The following CNTN5 variants were observed in gnomAD, a reference collection of about 807,000 sequenced individuals.
CNTN5 encodes contactin 5.
Under a neutral mutation model 129.1 loss-of-function variants are expected in CNTN5, and 77 were observed. The observed-to-expected ratio is 0.60, with a 90% CI of 0.50 to 0.72. The LOEUF is 0.72. CNTN5 is among the 30% of genes least tolerant of loss of function. The pLI is 0.00. For missense variants in CNTN5, 1,478 were observed against 1,328.8 expected (o/e 1.11, Z -1.75); for synonymous variants, 509 against 465.6 (o/e 1.09, Z -1.20).
chr11:99,826,760 T>G (rs867691268), intron 4 of CNTN5, among the ~76,000 whole-genome samples: 4 of 151,974 alleles, frequency 2.6e-5, no homozygotes, highest in Non-Finnish European at 4.4e-5. Context: ...TATTAAGGAG[T>G]CTAAAAATTT....
intron 18 of CNTN5, among the ~76,000 whole-genome samples, chr11:100,280,367 G>A (rs1950609681): frequency 6.6e-6 from 1 of 151,732 alleles, no homozygotes; most frequent in African/African-American, 2.4e-5. Context: ...CTCAAGCATT[G>A]AGTGCACATG....
chr11:99,424,804 C>A (rs1726648227), intron 2 of CNTN5, among the ~76,000 whole-genome samples: 1 of 152,236 alleles, frequency 6.6e-6, no homozygotes, highest in African/African-American at 2.4e-5. Context: ...TGTTACAGCT[C>A]TTTCAGTCGG....
intron 3 of CNTN5, among the ~76,000 whole-genome samples, chr11:99,773,392 G>T (rs114842665): frequency 1.3e-5 from 2 of 152,024 alleles, no homozygotes; most frequent in Non-Finnish European, 2.9e-5. Flanking sequence ...TAAAGATCTT[G>T]TTCATATTTT....
chr11:99,776,795 A>G (rs1310575699), intron 3 of CNTN5, among the ~76,000 whole-genome samples: 5 of 151,854 alleles, frequency 3.3e-5, no homozygotes, highest in African/African-American at 1.2e-4. Flanking sequence ...ACAATTAAAA[A>G]AAAAACTATT....
chr11:100,093,240 G>T (rs1944865506), intron 13 of CNTN5, among the ~76,000 whole-genome samples: 1 of 152,014 alleles, frequency 6.6e-6, no homozygotes, highest in Non-Finnish European at 1.5e-5. Context: ...CTATACCACA[G>T]CTAGTGTTTG....
intron 8 of CNTN5, among the ~76,000 whole-genome samples, chr11:99,971,808 A>C (rs1951264073): frequency 6.6e-6 from 1 of 151,736 alleles, no homozygotes; most frequent in Non-Finnish European, 1.5e-5. Flanking sequence ...ATTTAGCAAT[A>C]AACATTTTTA....
intron 3 of CNTN5, among the ~76,000 whole-genome samples, chr11:99,594,922 G>A (rs1950081230): frequency 6.6e-6 from 1 of 152,158 alleles, no homozygotes; most frequent in South Asian, 2.1e-4. Context: ...TCAAGTCACA[G>A]ATCATTAAAG....
chr11:99,970,290 A>T (rs1328889134), intron 8 of CNTN5, among the ~76,000 whole-genome samples: 1 of 152,208 alleles, frequency 6.6e-6, no homozygotes. Flanking sequence ...GATTGTAGCA[A>T]AGAAGTGAGG....
Position 99,194,092 on chromosome 11 carries a change from G to A in CNTN5, c.-209-131254G>A, listed in dbSNP as rs976131062. Among the ~76,000 whole-genome samples the A allele has an allele frequency of 1.3e-5, 2 of 152,264 alleles. 1 individual carries two copies. The highest frequency in any genetic ancestry group is 3.9e-4 in the East Asian group (2 of 5,178). On this transcript the variant is annotated intron_variant, in intron 1 of 24. Transcript: ENST00000524871. ...TAAGATACTTCTTTAGCATTGGATA[G>A]AAATGCTGAATACTAGTCTATTTAG...
At chr11:99,870,082 A>T (rs540417904) in intron 6 of CNTN5, among the ~76,000 whole-genome samples, 1 of 152,308 alleles carries the variant, frequency 6.6e-6, no homozygotes, top group South Asian at 2.1e-4. Context: ...TGGGAATAGC[A>T]TAATAAATGT....
chr11:99,198,780 TTTTG>T (rs964212845), intron 1 of CNTN5, among the ~76,000 whole-genome samples: 3 of 152,076 alleles, frequency 2.0e-5, no homozygotes, highest in Non-Finnish European at 4.4e-5. Flanking sequence ...AGACTTTTTG[TTTTG>T]TTTGTTTGTT....
At chr11:99,699,603 C>T (rs773198414) in intron 3 of CNTN5, among the ~76,000 whole-genome samples, 11 of 151,476 alleles carry the variant, frequency 7.3e-5, no homozygotes, top group East Asian at 3.9e-4. Flanking sequence ...ATGTGCCTAG[C>T]GAAGTATTAA....
At chr11:99,866,512 T>C (rs1400190573) in intron 6 of CNTN5, among the ~76,000 whole-genome samples, 3 of 152,182 alleles carry the variant, frequency 2.0e-5, no homozygotes, top group Non-Finnish European at 4.4e-5. Context: ...TTTCATGGTG[T>C]GGCTAAAGTC....
rs538206714 is a variant in CNTN5 at position 99,230,830 on chromosome 11, C to T, written c.-209-94516C>T. Among the ~76,000 whole-genome samples the T allele has an allele frequency of 9.2e-5, 14 of 152,138 alleles. No homozygotes were observed. In the South Asian group the frequency reaches 1.5e-3, roughly 16 times the overall value. Reference sequence around the variant, plus strand: ...TCTCTCTCCCACCCCCTGACAAGCCCCAGTGTTTGTTCTCCTCCCTACGTC... The same window carrying T: ...TCTCTCTCCCACCCCCTGACAAGCCTCAGTGTTTGTTCTCCTCCCTACGTC... On this transcript the variant is annotated intron_variant, in intron 1 of 24. Coordinates refer to ENST00000524871, the MANE Select transcript of CNTN5 (RefSeq NM_014361.4).
chr11:99,527,961 A>C (rs530709575), intron 2 of CNTN5, among the ~76,000 whole-genome samples: 2 of 152,212 alleles, frequency 1.3e-5, no homozygotes, highest in African/African-American at 4.8e-5. Flanking sequence ...AAAGGCAACA[A>C]ATCATGTAAT....
chr11:99,159,804 G>A (rs7106372), intron 1 of CNTN5, among the ~76,000 whole-genome samples: 137,320 of 152,188 alleles, frequency 0.9, 62,157 homozygotes, highest in East Asian at 0.99. Flanking sequence ...AAATATAGGA[G>A]AAGTACGTAT....
In CNTN5 at chr11:99,686,330, C is replaced by CT. The variant is rs760678421; in HGVS notation, c.55+130069dup. The stretch of plus-strand genomic sequence containing the variant: ...AATGGAACTGCTGTTGATGAATCTT[C>CT]TTTTTTTTGTCTAAAATAAGTTTAT... On this transcript the variant is annotated intron_variant, in intron 3 of 24. Transcript: ENST00000524871. 1.7e-4 allele frequency among the ~76,000 whole-genome samples: 26 copies of CT among 151,580 alleles called. No individual in the cohort carries two copies. The South Asian group carries it at 2.5e-3, about 15-fold the overall frequency.
chr11:99,819,127 G>T (rs1483693373), intron 3 of CNTN5, among the ~76,000 whole-genome samples: 1 of 151,152 alleles, frequency 6.6e-6, no homozygotes, highest in Non-Finnish European at 1.5e-5. Context: ...TATGTGAATG[G>T]GTATTGTAAT....
intron 13 of CNTN5, among the ~76,000 whole-genome samples, chr11:100,118,886 A>G (rs1945924087): frequency 6.6e-6 from 1 of 151,874 alleles, no homozygotes; most frequent in African/African-American, 2.4e-5. Flanking sequence ...TTATTCACAT[A>G]AAGTTCTTTG....
Sources: allele counts gnomAD v4.1 joint callset (sites outside exome capture counted in the v4.1 genomes callset), GRCh38; gene constraint gnomAD v4.1.1; transcripts MANE v1.5; gene names NCBI Gene and HGNC (gene_info 2026-07-23, HGNC 2026-07-21).